The following SPECC1 variants were observed in gnomAD, a reference collection of about 807,000 sequenced individuals.
The protein encoded by SPECC1 is sperm antigen with calponin homology and coiled-coil domains 1, also known as cytospin-B.
In SPECC1, 62 loss-of-function variants were observed where a neutral mutation model predicts 104.1. The ratio of observed to expected loss-of-function variants is 0.60; its 90% CI spans 0.49 to 0.74. The LOEUF is 0.74. Ranked by LOEUF, SPECC1 falls within the 30% of genes least tolerant of loss-of-function variation. SPECC1 has a pLI of 0.00. For missense variants in SPECC1, 1,306 were observed against 1,310.5 expected (o/e 1.00, Z 0.05); for synonymous variants, 513 against 501.6 (o/e 1.02, Z -0.30).
At chr17:20,111,653 G>A (rs527626298) in intron 3 of SPECC1, among the ~76,000 whole-genome samples, 61 of 152,232 alleles carry the variant, frequency 4.0e-4, no homozygotes, top group South Asian at 1.0e-3. Context: ...GCCGAGTCCC[G>A]GGTGTGGGAC....
At chr17:20,145,889 G>A (rs1465729415) in intron 3 of SPECC1, among the ~76,000 whole-genome samples, 1 of 152,172 alleles carries the variant, frequency 6.6e-6, no homozygotes, top group Admixed American at 6.5e-5. Context: ...TTTGGATCAG[G>A]AATGTTTAAA....
chr17:20,104,061 T>G (rs2048070638), intron 2 of SPECC1, among the ~76,000 whole-genome samples: 1 of 152,204 alleles, frequency 6.6e-6, no homozygotes, highest in Admixed American at 6.5e-5. Context: ...GAATATAAAG[T>G]CTGTTTTAGG....
intron 3 of SPECC1, among the ~76,000 whole-genome samples, chr17:20,199,201 C>G (rs1004343006): frequency 6.7e-6 from 1 of 149,786 alleles, no homozygotes; most frequent in East Asian, 2.0e-4. Flanking sequence ...ATTCTCCTGC[C>G]TCAGCCTCCC....
chr17:20,159,342 T>G (rs2032918803), intron 3 of SPECC1, among the ~76,000 whole-genome samples: 1 of 152,184 alleles, frequency 6.6e-6, no homozygotes, highest in Non-Finnish European at 1.5e-5. Context: ...GGATTACAGG[T>G]GTAAGCCACT....
intron 1 of SPECC1, among the ~76,000 whole-genome samples, chr17:20,049,342 T>C (rs1015982848): frequency 2.0e-5 from 3 of 152,124 alleles, no homozygotes; most frequent in Admixed American, 6.5e-5. Context: ...GGGGCACACC[T>C]GTAGTCCTGG....
intron 12 of SPECC1, among the ~76,000 whole-genome samples, chr17:20,277,402 A>G (rs11657161): frequency 0.42 from 64,513 of 151,888 alleles, 14,310 homozygotes; most frequent in East Asian, 0.8. Flanking sequence ...TTTTTTTTAA[A>G]ATGATGCTGC....
At chr17:20,087,879 T>G (rs2152496866) in intron 1 of SPECC1, among the ~76,000 whole-genome samples, 2 of 152,170 alleles carry the variant, frequency 1.3e-5, no homozygotes, top group Middle Eastern at 3.4e-3. Context: ...AGAGCTACTC[T>G]AGAGAGTATA....
intron 1 of SPECC1, among the ~76,000 whole-genome samples, chr17:20,030,246 G>A (rs1008969121): frequency 6.6e-6 from 1 of 152,032 alleles, no homozygotes; most frequent in Non-Finnish European, 1.5e-5. Flanking sequence ...TTTAACATGT[G>A]TGTCTTAACT....
At chr17:20,292,709 G>A (rs1382631211) in intron 12 of SPECC1, among the ~76,000 whole-genome samples, 1 of 152,192 alleles carries the variant, frequency 6.6e-6, no homozygotes, top group African/African-American at 2.4e-5. Flanking sequence ...AGAGTCCACA[G>A]GATCAGCTTC....
intron 12 of SPECC1, among the ~76,000 whole-genome samples, chr17:20,296,225 A>G (rs2041345687): frequency 1.3e-5 from 2 of 152,228 alleles, no homozygotes; most frequent in Admixed American, 1.3e-4. Flanking sequence ...ATCCAGTTTC[A>G]GCTTTCTACA....
intron 1 of SPECC1, among the ~76,000 whole-genome samples, chr17:20,052,856 T>C (rs554783941): frequency 8.4e-4 from 128 of 152,294 alleles, no homozygotes; most frequent in Non-Finnish European, 1.5e-3. Context: ...AACAACAAAA[T>C]GGATTTGAGG....
At chr17:20,225,666 G>A (rs868200522) in intron 4 of SPECC1, among the ~76,000 whole-genome samples, 15 of 152,144 alleles carry the variant, frequency 9.9e-5, no homozygotes, top group Admixed American at 5.2e-4. Context: ...GAGTCAAGAC[G>A]GTCTTTCCTC....
chr17:20,197,407 C>A (rs1013143431), intron 3 of SPECC1, among the ~76,000 whole-genome samples: 1 of 152,130 alleles, frequency 6.6e-6, no homozygotes, highest in East Asian at 1.9e-4. Context: ...CAAGGTCACA[C>A]AGATATTAAA....
intron 1 of SPECC1, among the ~76,000 whole-genome samples, chr17:20,079,666 C>T (rs2152489591): frequency 6.6e-6 from 1 of 152,324 alleles, no homozygotes; most frequent in East Asian, 1.9e-4. Context: ...ACATCCAGCA[C>T]CCAGTCTGAG....
rs548208052 is a variant in SPECC1 at position 20,308,224 on chromosome 17, C to T, written c.3117+2142C>T. 2.0e-5 allele frequency among the ~76,000 whole-genome samples: 3 copies of T among 151,924 alleles called. No individual in the cohort carries two copies. In the South Asian group the frequency reaches 6.2e-4, roughly 32 times the overall value. The stretch of plus-strand genomic sequence containing the variant: ...CCAACATTGTGAAAGCCCGTACCTA[C>T]TAAAGATACACAAAATTGGCCAGGT... On this transcript the variant is annotated intron_variant, in intron 14 of 14. Transcript: ENST00000395527.
intron 4 of SPECC1, among the ~76,000 whole-genome samples, chr17:20,208,435 GACTAAT>G (rs1416032400): frequency 6.6e-6 from 1 of 152,140 alleles, no homozygotes; most frequent in African/African-American, 2.4e-5. Flanking sequence ...CTCCTAAATG[GACTAAT>G]ACTGATTGTA....
At chr17:20,107,485 G>A (rs1030975949) in intron 2 of SPECC1, among the ~76,000 whole-genome samples, 6 of 148,240 alleles carry the variant, frequency 4.0e-5, no homozygotes, top group South Asian at 2.1e-4. Flanking sequence ...TTTTGAGATG[G>A]ATAGACTGTT....
intron 1 of SPECC1, among the ~76,000 whole-genome samples, chr17:20,031,735 AT>A (rs2044822570): frequency 1.3e-5 from 2 of 152,226 alleles, no homozygotes; most frequent in Admixed American, 1.3e-4. Context: ...TAGGTATTTC[AT>A]ACAAGTGAAG....
At chr17:20,172,127 C>A (rs1191065492) in intron 3 of SPECC1, among the ~76,000 whole-genome samples, 1 of 152,198 alleles carries the variant, frequency 6.6e-6, no homozygotes, top group African/African-American at 2.4e-5. Flanking sequence ...AGCATGTGGT[C>A]AGGTGCTGTT....
Sources: gnomAD v4.1 joint callset for allele counts (sites outside exome capture counted in the v4.1 genomes callset) on GRCh38, gnomAD v4.1.1 for gene constraint, MANE v1.5 for transcripts, NCBI Gene and HGNC (gene_info 2026-07-23, HGNC 2026-07-21) for gene names.